The following CAMK2D variants were observed in gnomAD, a reference collection of about 807,000 sequenced individuals.
CAMK2D encodes the protein calcium/calmodulin dependent protein kinase II delta, also known as calcium/calmodulin-dependent protein kinase type II subunit delta.
CAMK2D carries 37 observed loss-of-function variants against 84.0 expected under a neutral mutation model. The ratio of observed to expected loss-of-function variants is 0.44; its 90% CI spans 0.34 to 0.58. CAMK2D has a LOEUF of 0.58. Ranked by LOEUF, CAMK2D falls within the 20% of genes least tolerant of loss-of-function variation. The pLI, the probability that CAMK2D is intolerant of heterozygous loss-of-function variation, is 0.02. For missense variants in CAMK2D, 448 were observed against 652.5 expected, an observed-to-expected ratio of 0.69 and a Z score of 3.41; for synonymous variants, 202 against 212.5, an observed-to-expected ratio of 0.95 and a Z score of 0.43.
At chr4:113,565,891 G>A (rs566823584) in intron 4 of CAMK2D, among the ~76,000 whole-genome samples, 1 of 152,250 alleles carries the variant, frequency 6.6e-6, no homozygotes, top group African/African-American at 2.4e-5. Context: ...AAAAAAATTA[G>A]TAGAGGCTAT....
chr4:113,518,064 GT>G (rs1473364450), intron 8 of CAMK2D, among the ~76,000 whole-genome samples: 1 of 152,138 alleles, frequency 6.6e-6, no homozygotes, highest in Non-Finnish European at 1.5e-5. Flanking sequence ...CCTCATACTT[GT>G]TTTGATGGTC....
intron 4 of CAMK2D, among the ~76,000 whole-genome samples, chr4:113,574,885 T>C (rs999242922): frequency 2.6e-5 from 4 of 152,232 alleles, no homozygotes; most frequent in Admixed American, 6.5e-5. Context: ...ACACTGTCAC[T>C]GCTGAATTTG....
At chr4:113,479,094 T>C (rs1349698127) in intron 16 of CAMK2D, among the ~76,000 whole-genome samples, 2 of 152,210 alleles carry the variant, frequency 1.3e-5, no homozygotes, top group East Asian at 1.9e-4. Context: ...TCTTTCACAT[T>C]TAATCTGTTA....
At chr4:113,491,560 G>A (rs2097844404) in intron 16 of CAMK2D, among the ~76,000 whole-genome samples, 1 of 151,956 alleles carries the variant, frequency 6.6e-6, no homozygotes, top group Non-Finnish European at 1.5e-5. Flanking sequence ...TTTTATTGAG[G>A]ATTTTTGCAT....
chr4:113,686,711 T>C (rs1413461651), intron 2 of CAMK2D, among the ~76,000 whole-genome samples: 1 of 152,220 alleles, frequency 6.6e-6, no homozygotes, highest in Non-Finnish European at 1.5e-5. Flanking sequence ...ATTTTTAACA[T>C]GATCATTGAG....
intron 7 of CAMK2D, among the ~76,000 whole-genome samples, chr4:113,534,936 C>T (rs1395619683): frequency 6.6e-6 from 1 of 152,156 alleles, no homozygotes; most frequent in Non-Finnish European, 1.5e-5. Context: ...TTTTCCACTA[C>T]ACATAGCCCT....
chr4:113,681,818 T>C (rs957115559), intron 2 of CAMK2D, among the ~76,000 whole-genome samples: 7 of 152,104 alleles, frequency 4.6e-5, no homozygotes, highest in Admixed American at 6.5e-5. Context: ...AATATGAATA[T>C]CTTATTTAAA....
At chr4:113,652,083 T>A (rs2099175370) in intron 3 of CAMK2D, among the ~76,000 whole-genome samples, 1 of 152,180 alleles carries the variant, frequency 6.6e-6, no homozygotes, top group Non-Finnish European at 1.5e-5. Flanking sequence ...ATAGTATGAC[T>A]AATTCAGAGT....
intron 2 of CAMK2D, among the ~76,000 whole-genome samples, chr4:113,738,421 G>A (rs1339662081): frequency 6.6e-6 from 1 of 152,016 alleles, no homozygotes; most frequent in Non-Finnish European, 1.5e-5. Context: ...AAACCCACAA[G>A]GGAGAAAGAA....
In CAMK2D at chr4:113,502,938, T is replaced by C; in HGVS notation, c.1084A>G (p.Lys362Glu). 1 of 1,600,968 alleles carries C rather than the reference T, an allele frequency of 6.2e-7. No individual in the cohort carries two copies. The highest frequency in any genetic ancestry group is 1.7e-5 in the Admixed American group (1 of 59,968). ...TTVIHNPDGN[K>E]ESTESSNTTI... ...TGATGTTGATTCTTTCTGAATACCT[T>C]GTTTCCATCAGGGTTGTGGATTACA... The change falls in exon 15 of 21, where the codon AAG (lysine) becomes GAG (glutamate). Residue 362 changes from lysine (K) to glutamate (E), a missense_variant and splice_region_variant. Lys to Glu is a moderately conservative substitution (Grantham distance 56). Coordinates refer to ENST00000511664, the MANE Select transcript of CAMK2D (RefSeq NM_001321571.2).
At position 113,700,300 on chromosome 4, in the gene CAMK2D, A is replaced by G. The variant is rs967052969; in HGVS notation, c.161-38528T>C. On this transcript the variant is annotated intron_variant, in intron 2 of 20. Transcript: ENST00000511664. ...TAAGTAAAGTATATTCTACCAATTC[A>G]TAATAAAGACCAAGGAGGGATAAAT... 4.6e-5 allele frequency among the ~76,000 whole-genome samples: 7 copies of G among 152,224 alleles called. No individual in the cohort carries two copies. The South Asian group carries it at 1.0e-3, about 23-fold the overall frequency.
chr4:113,584,851 TTTATC>T (rs1437249898), intron 4 of CAMK2D, among the ~76,000 whole-genome samples: 1 of 152,192 alleles, frequency 6.6e-6, no homozygotes. Context: ...ATGCCTATCT[TTTATC>T]TTAAGAAAAA....
In CAMK2D at chr4:113,754,151, G is replaced by A. The variant is rs1331296427; in HGVS notation, c.160+5169C>T. On this transcript the variant is annotated intron_variant, in intron 2 of 20. Coordinates refer to ENST00000511664, the MANE Select transcript of CAMK2D (RefSeq NM_001321571.2). ...AATACTCCATTTAATGCATTGCAGT[G>A]TAGTTTACTAGAAATACTATTGTAA... 4.4e-6 allele frequency: 4 copies of A among 903,504 alleles called. No homozygotes were observed. In the African/African-American group the frequency reaches 7.2e-5, roughly 16 times the overall value. The allele number at this position is 903,504 out of a possible 1,614,324, so 56.0% of individuals were successfully genotyped here.
At chr4:113,528,499 A>T (rs2098436815) in intron 8 of CAMK2D, among the ~76,000 whole-genome samples, 1 of 152,130 alleles carries the variant, frequency 6.6e-6, no homozygotes, top group Admixed American at 6.6e-5. Flanking sequence ...ACAAGGAGAG[A>T]TAAACACAAA....
intron 4 of CAMK2D, among the ~76,000 whole-genome samples, chr4:113,584,328 C>G (rs76966107): frequency 6.6e-6 from 1 of 152,072 alleles, no homozygotes; most frequent in Non-Finnish European, 1.5e-5. Context: ...TGAGTCCAAA[C>G]GGTTTCAAAG....
chr4:113,711,227 CATACTT>C (rs1194101766), intron 2 of CAMK2D, among the ~76,000 whole-genome samples: 1 of 150,796 alleles, frequency 6.6e-6, no homozygotes, highest in Non-Finnish European at 1.5e-5. Flanking sequence ...TCTTATCATA[CATACTT>C]AAAGTTGAAA....
intron 17 of CAMK2D, 28 bp from the exon 18 acceptor site, chr4:113,460,269 C>T (rs1297211754): frequency 8.5e-7 from 1 of 1,180,582 alleles, no homozygotes; most frequent in Non-Finnish European, 1.3e-6. Flanking sequence ...TGAAAACAAC[C>T]AATTAATAGG....
Position 113,760,985 on chromosome 4 carries a change from G to A in CAMK2D, c.65+19C>T, listed in dbSNP as rs755773379. ...TCAGCTGGAAAGGGGATATGCGGAT[G>A]CCGGGCAAAGGTGCTTACTTTCCAA... On this transcript the variant is annotated intron_variant, in intron 1 of 20. Transcript: ENST00000511664. 13 of 1,614,112 alleles carry A rather than the reference G, an allele frequency of 8.1e-6. No homozygotes were observed. The East Asian group carries it at 2.9e-4, about 36-fold the overall frequency.
chr4:113,692,998 G>C (rs535600684), intron 2 of CAMK2D, among the ~76,000 whole-genome samples: 1 of 152,134 alleles, frequency 6.6e-6, no homozygotes, highest in East Asian at 1.9e-4. Flanking sequence ...TCCGTATTCA[G>C]GCAAAAACCC....
Sources: gnomAD v4.1 joint callset for allele counts (sites outside exome capture counted in the v4.1 genomes callset) on GRCh38, gnomAD v4.1.1 for gene constraint, MANE v1.5 for transcripts, NCBI Gene and HGNC (gene_info 2026-07-23, HGNC 2026-07-21) for gene names.